RPS6KC1: variants seen among roughly 807,000 people sequenced by gnomAD.
RPS6KC1 encodes the protein inactive ribosomal protein S6 kinase delta-1.
Under a neutral mutation model 103.8 loss-of-function variants are expected in RPS6KC1, and 54 were observed. That is an observed-to-expected ratio of 0.52 (90% CI 0.42 to 0.65). The LOEUF is 0.65. RPS6KC1 is among the 30% of genes least tolerant of loss of function. The pLI is 0.00. For synonymous variants in RPS6KC1, 439 were observed against 438.7 expected (o/e 1.00, Z -0.01); for missense variants, 1,151 against 1,253.8 (o/e 0.92, Z 1.24).
At chr1:213,346,619 T>G in the RPS6KC1 span, among the ~76,000 whole-genome samples, 2 of 152,100 alleles carry the variant, frequency 1.3e-5, no homozygotes, top group African/African-American at 2.4e-5. Flanking sequence ...CAGGCTGGTT[T>G]GTTAGTTTTT....
chr1:213,670,050 T>G, the RPS6KC1 span, among the ~76,000 whole-genome samples: 124,720 of 151,956 alleles, frequency 0.82, 51,396 homozygotes, highest in East Asian at 1. Flanking sequence ...CAGGAAACTT[T>G]TTATGGGTTT....
At chr1:213,311,912 T>C in the RPS6KC1 span, among the ~76,000 whole-genome samples, 134 of 147,000 alleles carry the variant, frequency 9.1e-4, no homozygotes, top group African/African-American at 2.5e-3. Context: ...TTTTTTTTTT[T>C]CCCAAGATGG....
At chr1:213,153,067 G>C (rs911385421) in intron 6 of RPS6KC1, among the ~76,000 whole-genome samples, 1 of 152,220 alleles carries the variant, frequency 6.6e-6, no homozygotes, top group Non-Finnish European at 1.5e-5. Flanking sequence ...GCGAAACCCC[G>C]TCTCCACCAA....
At chr1:213,550,107 A>C in the RPS6KC1 span, among the ~76,000 whole-genome samples, 3 of 152,140 alleles carry the variant, frequency 2.0e-5, no homozygotes, top group Non-Finnish European at 4.4e-5. Context: ...GCTCTCATTT[A>C]CTGAAGTTCT....
At chr1:213,271,761 CT>C (rs2095052931) in intron 14 of RPS6KC1, among the ~76,000 whole-genome samples, 1 of 31,324 alleles carries the variant, frequency 3.2e-5, no homozygotes, top group East Asian at 9.0e-4. Flanking sequence ...GAAACTCCGT[CT>C]CAAAAAAAAA....
the RPS6KC1 span, among the ~76,000 whole-genome samples, chr1:213,496,944 A>G: frequency 6.6e-6 from 1 of 152,192 alleles, no homozygotes; most frequent in African/African-American, 2.4e-5. Context: ...GGGCTTTTCA[A>G]TTATTTTCTT....
At chr1:213,768,847 G>T in the RPS6KC1 span, among the ~76,000 whole-genome samples, 1 of 152,248 alleles carries the variant, frequency 6.6e-6, no homozygotes, top group South Asian at 2.1e-4. Context: ...AGAGAACAAC[G>T]CCTGCAGAAC....
At chr1:213,498,648 G>T in the RPS6KC1 span, among the ~76,000 whole-genome samples, 3 of 151,932 alleles carry the variant, frequency 2.0e-5, no homozygotes, top group Admixed American at 6.6e-5. Context: ...TAGAGACAGG[G>T]TTTCACCATG....
chr1:213,581,338 G>A, the RPS6KC1 span, among the ~76,000 whole-genome samples: 1 of 151,998 alleles, frequency 6.6e-6, no homozygotes, highest in Non-Finnish European at 1.5e-5. Context: ...TTCTTCCTTA[G>A]TTGCTAGTAA....
At chr1:213,768,920 A>C in the RPS6KC1 span, among the ~76,000 whole-genome samples, 2 of 152,086 alleles carry the variant, frequency 1.3e-5, no homozygotes, top group Non-Finnish European at 2.9e-5. Context: ...CAGACATGAA[A>C]GGATGCTGAA....
the RPS6KC1 span, among the ~76,000 whole-genome samples, chr1:213,753,846 T>G: frequency 5.9e-5 from 9 of 152,282 alleles, no homozygotes; most frequent in African/African-American, 2.2e-4. Flanking sequence ...ATTGACAACT[T>G]TAACACTTAC....
At chr1:213,533,784 T>A in the RPS6KC1 span, among the ~76,000 whole-genome samples, 1 of 152,218 alleles carries the variant, frequency 6.6e-6, no homozygotes, top group African/African-American at 2.4e-5. Flanking sequence ...GGCTGCTCTG[T>A]TTGTGGCCTA....
chr1:213,092,835 C>T (rs1340339407), intron 3 of RPS6KC1, among the ~76,000 whole-genome samples: 1 of 152,100 alleles, frequency 6.6e-6, no homozygotes, highest in Non-Finnish European at 1.5e-5. Context: ...TATGTAACCT[C>T]TGAGGGAGTG....
At chr1:213,069,910 C>T (rs1379990036) in intron 1 of RPS6KC1, among the ~76,000 whole-genome samples, 4 of 152,068 alleles carry the variant, frequency 2.6e-5, no homozygotes, top group Non-Finnish European at 5.9e-5. Flanking sequence ...AACACCTAGC[C>T]TTTTCAAAAG....
At chr1:213,091,954 CA>C in intron 3 of RPS6KC1, among the ~76,000 whole-genome samples, 1 of 132,888 alleles carries the variant, frequency 7.5e-6, no homozygotes, top group Non-Finnish European at 1.7e-5. Flanking sequence ...ACTGGCATTA[CA>C]TTTCTTTTTT....
the RPS6KC1 span, among the ~76,000 whole-genome samples, chr1:213,318,258 T>G: frequency 6.6e-6 from 1 of 152,248 alleles, no homozygotes; most frequent in Non-Finnish European, 1.5e-5. Flanking sequence ...TACAGCTGCG[T>G]TTTCCTCTTC....
chr1:213,415,094 A>G, the RPS6KC1 span, among the ~76,000 whole-genome samples: 1 of 152,234 alleles, frequency 6.6e-6, no homozygotes, highest in Non-Finnish European at 1.5e-5. Context: ...CAATTAACTC[A>G]TTATTAACTC....
At chr1:213,137,752 G>GCGCGCTCTCTCTCTCTCTCTCTCT (rs1553340080) in intron 6 of RPS6KC1, among the ~76,000 whole-genome samples, 2 of 12,206 alleles carry the variant, frequency 1.6e-4, no homozygotes, top group African/African-American at 3.6e-4. Flanking sequence ...AGTCCAGTTT[G>GCGCGCTCTCTCTCTCTCTCTCTCT]CTCTCTCTCT....
At chr1:213,400,927 G>A in the RPS6KC1 span, among the ~76,000 whole-genome samples, 6 of 151,988 alleles carry the variant, frequency 3.9e-5, no homozygotes, top group Non-Finnish European at 5.9e-5. Flanking sequence ...GGCTGGTCTC[G>A]AACTCCTGAC....
Sources: gnomAD v4.1 joint callset for allele counts (sites outside exome capture counted in the v4.1 genomes callset) on GRCh38, gnomAD v4.1.1 for gene constraint, MANE v1.5 for transcripts, NCBI Gene and HGNC (gene_info 2026-07-23, HGNC 2026-07-21) for gene names.